RBFOX1: variants seen among roughly 807,000 people sequenced by gnomAD.
RBFOX1 encodes the protein RNA binding protein fox-1 homolog 1.
A neutral mutation model predicts 57.7 loss-of-function variants in RBFOX1; 8 were observed. The observed-to-expected ratio is 0.14, with a 90% confidence interval of 0.08 to 0.25. The LOEUF is 0.25. Ranked by LOEUF, RBFOX1 falls within the 10% of genes least tolerant of loss-of-function variation. RBFOX1 has a pLI of 1.00. For synonymous variants in RBFOX1, 326 were observed against 222.4 expected, an observed-to-expected ratio of 1.47 and a Z score of -4.15; for missense variants, 611 against 548.5, an observed-to-expected ratio of 1.11 and a Z score of -1.14.
At chr16:6,876,909 G>T (rs118130352) in intron 3 of RBFOX1, among the ~76,000 whole-genome samples, 116 of 152,204 alleles carry the variant, frequency 7.6e-4, no homozygotes, top group Non-Finnish European at 1.4e-3. Context: ...ACCAAGTACT[G>T]GGTACACTAT....
rs1303894806 is a variant in RBFOX1 at position 6,112,691 on chromosome 16, CAA to C, written c.-127+92705_-127+92706del. 2.0e-5 allele frequency among the ~76,000 whole-genome samples: 3 copies of C among 151,960 alleles called. No individual in the cohort carries two copies. In the East Asian group the frequency reaches 5.8e-4, roughly 29 times the overall value. On this transcript the variant is annotated intron_variant, in intron 1 of 15. Coordinates refer to ENST00000550418, the MANE Select transcript of RBFOX1 (RefSeq NM_018723.4). ...GGGCAACAAGAGCAAAACTCCGTCT[CAA>C]AAAAACACCTGGAGCAAGTTCTGAG...
intron 1 of RBFOX1, among the ~76,000 whole-genome samples, chr16:6,196,841 C>A (rs894665753): frequency 1.3e-5 from 2 of 150,862 alleles, no homozygotes; most frequent in Non-Finnish European, 2.9e-5. Context: ...ACATTGATTT[C>A]CTACTCCGTC....
At chr16:7,456,878 C>T (rs2058620385) in intron 4 of RBFOX1, among the ~76,000 whole-genome samples, 1 of 150,276 alleles carries the variant, frequency 6.7e-6, no homozygotes. Context: ...TTCTTCCACT[C>T]GGAAGGTGTA....
chr16:7,708,986 G>A, intron 14 of RBFOX1, 70 bp from the exon 15 acceptor site: 9 of 1,442,990 alleles, frequency 6.2e-6, no homozygotes, highest in Non-Finnish European at 7.8e-6. Flanking sequence ...TTGGTATTTT[G>A]GATTTTATGA....
chr16:6,895,717 T>A (rs1348540046), intron 3 of RBFOX1, among the ~76,000 whole-genome samples: 2 of 151,886 alleles, frequency 1.3e-5, no homozygotes, highest in African/African-American at 4.8e-5. Flanking sequence ...GATACTCATG[T>A]GATTGCACAA....
chr16:7,087,926 C>T (rs1369564603), intron 4 of RBFOX1, among the ~76,000 whole-genome samples: 2 of 152,018 alleles, frequency 1.3e-5, no homozygotes, highest in East Asian at 3.9e-4. Flanking sequence ...CTCTTTCTCT[C>T]TGATTAATAA....
At chr16:6,865,649 T>G (rs1231097923) in intron 3 of RBFOX1, among the ~76,000 whole-genome samples, 1 of 152,234 alleles carries the variant, frequency 6.6e-6, no homozygotes, top group East Asian at 1.9e-4. Context: ...CTTCATGACG[T>G]GTGATGACAA....
chr16:7,021,439 TTA>T (rs1316382782), intron 3 of RBFOX1, among the ~76,000 whole-genome samples: 1 of 146,390 alleles, frequency 6.8e-6, no homozygotes, highest in African/African-American at 2.5e-5. Context: ...TATATATGTT[TTA>T]TATATCAGTA....
intron 3 of RBFOX1, among the ~76,000 whole-genome samples, chr16:6,922,807 A>G (rs921635761): frequency 2.0e-5 from 3 of 152,138 alleles, no homozygotes; most frequent in Non-Finnish European, 2.9e-5. Context: ...AGCGTTCATC[A>G]CAGGTGGGAT....
intron 3 of RBFOX1, among the ~76,000 whole-genome samples, chr16:7,023,799 A>G (rs952373278): frequency 2.0e-5 from 3 of 152,074 alleles, no homozygotes; most frequent in African/African-American, 7.2e-5. Flanking sequence ...ATCCTTCTGA[A>G]CACTCTGGAG....
chr16:6,260,738 A>G (rs1382126606), intron 1 of RBFOX1, among the ~76,000 whole-genome samples: 1 of 152,072 alleles, frequency 6.6e-6, no homozygotes, highest in Non-Finnish European at 1.5e-5. Flanking sequence ...AAAATGAGCC[A>G]GGCGTGGTTG....
At chr16:7,078,104 C>G (rs1362020133) in intron 4 of RBFOX1, among the ~76,000 whole-genome samples, 2 of 152,160 alleles carry the variant, frequency 1.3e-5, no homozygotes, top group Non-Finnish European at 2.9e-5. Context: ...CTCTTTGGCT[C>G]ATGAGAAAGG....
At chr16:6,657,274 C>T (rs1410169435) in intron 3 of RBFOX1, among the ~76,000 whole-genome samples, 1 of 151,918 alleles carries the variant, frequency 6.6e-6, no homozygotes, top group African/African-American at 2.4e-5. Context: ...GAATCTTATA[C>T]TCACGCTATA....
chr16:5,490,865 T>C (rs1345310530), intron 2 of RBFOX1, among the ~76,000 whole-genome samples: 1 of 152,156 alleles, frequency 6.6e-6, no homozygotes, highest in Admixed American at 6.5e-5. Context: ...ATTAATCTCT[T>C]AACAACAAGG....
chr16:6,269,753 G>A (rs1359755334), intron 1 of RBFOX1, among the ~76,000 whole-genome samples: 1 of 152,116 alleles, frequency 6.6e-6, no homozygotes, highest in African/African-American at 2.4e-5. Context: ...TTTCTAAACA[G>A]AAAGGAAAGG....
chr16:7,000,079 A>AG (rs915365979), intron 3 of RBFOX1, among the ~76,000 whole-genome samples: 2 of 151,638 alleles, frequency 1.3e-5, no homozygotes, highest in African/African-American at 4.8e-5. Flanking sequence ...CAAAGAAAAA[A>AG]AAAAAAAAAG....
intron 4 of RBFOX1, among the ~76,000 whole-genome samples, chr16:7,184,319 A>T (rs1406344921): frequency 6.6e-6 from 1 of 152,218 alleles, no homozygotes; most frequent in Non-Finnish European, 1.5e-5. Context: ...CATCATCCAA[A>T]TGACAGTGTA....
intron 2 of RBFOX1, among the ~76,000 whole-genome samples, chr16:6,614,672 T>G (rs952499382): frequency 1.3e-5 from 2 of 152,158 alleles, no homozygotes; most frequent in African/African-American, 4.8e-5. Flanking sequence ...CCTAGTGATT[T>G]GCCCCACAGT....
chr16:5,842,031 T>C (rs963054760), intron 3 of RBFOX1, among the ~76,000 whole-genome samples: 1 of 152,226 alleles, frequency 6.6e-6, no homozygotes, highest in Non-Finnish European at 1.5e-5. Context: ...CTGATGGCAT[T>C]CAGGCTTCTT....
Sources: allele counts gnomAD v4.1 joint callset (sites outside exome capture counted in the v4.1 genomes callset), GRCh38; gene constraint gnomAD v4.1.1; transcripts MANE v1.5; gene names NCBI Gene and HGNC (gene_info 2026-07-23, HGNC 2026-07-21).